Variants in PLB1 observed in about 807,000 individuals in gnomAD.
PLB1 encodes the protein phospholipase B1, membrane-associated.
A neutral mutation model predicts 227.4 loss-of-function variants in PLB1; 242 were observed. The observed-to-expected ratio is 1.06, with a 90% CI of 0.96 to 1.18. The LOEUF (loss-of-function observed/expected upper bound fraction) is 1.18, where lower values mean the gene tolerates loss of function less well. Among genes scored for constraint, PLB1 ranks in the 50% most tolerant of loss-of-function variants. The probability of loss-of-function intolerance (pLI) is 0.00; values close to 1 mark genes in which losing one functional copy is unlikely to be tolerated. For missense variants in PLB1, 1,858 were observed against 1,816.3 expected (o/e 1.02, Z -0.42); for synonymous variants, 757 against 682.2 (o/e 1.11, Z -1.71).
At chr2:28,641,559 G>A (rs769334542) in intron 57 of PLB1, among the ~76,000 whole-genome samples, 34 of 152,194 alleles carry the variant, frequency 2.2e-4, no homozygotes, top group Non-Finnish European at 4.0e-4. Flanking sequence ...AGTGAGCTGA[G>A]GTCATGCCAC....
Position 28,591,149 on chromosome 2 carries a change from G to C in PLB1, c.2105G>C (p.Arg702Thr), listed in dbSNP as rs761572202. Reference sequence around the variant, plus strand: ...TCCTCACAGGTCCAGCCGTTTCTGAGGACCTACAAGAACAGCATGCAGGTA... The same window carrying C: ...TCCTCACAGGTCCAGCCGTTTCTGACGACCTACAAGAACAGCATGCAGGTA... ...TCPNQVQPFL[R>T]TYKNSMQGHG... is the part of the protein sequence containing the mutation. The change falls in exon 30 of 58, where the codon AGG (arginine) becomes ACG (threonine). Residue 702 changes from arginine (R) to threonine (T), a missense_variant. Arg to Thr is a moderately conservative substitution (Grantham distance 71). Coordinates refer to ENST00000327757, the MANE Select transcript of PLB1 (RefSeq NM_153021.5). 1.2e-6 allele frequency: 2 copies of C among 1,614,084 alleles called. No homozygotes were observed. Among genetic ancestry groups the C allele is most frequent in the African/African-American group, 2.7e-5 (2 of 74,940 alleles).
rs1690159282 is a variant in PLB1 at position 28,643,165 on chromosome 2, C to T, written c.*104C>T. On this transcript the variant is annotated 3_prime_UTR_variant, in exon 58 of 58. Coordinates refer to ENST00000327757, the MANE Select transcript of PLB1 (RefSeq NM_153021.5). ...CAGGACATGCTTCAATGCCTGGTGC[C>T]ATAGGAAGCCCAGGGGACAGTCACA... is the stretch of plus-strand genomic sequence containing the variant. The T allele has an allele frequency of 8.5e-7, 1 of 1,182,178 alleles. No homozygotes were observed. The highest frequency in any genetic ancestry group is 1.8e-5 in the South Asian group (1 of 56,832). 73.2% of individuals were successfully genotyped at this position (1,182,178 alleles called of 1,614,324 possible).
In PLB1 at chr2:28,640,967, C is replaced by A; in HGVS notation, c.4139C>A (p.Thr1380Asn). The A allele has an allele frequency of 6.2e-7, 1 of 1,613,934 alleles. No homozygotes were observed. The highest frequency in any genetic ancestry group is 8.5e-7 in the Non-Finnish European group (1 of 1,179,902). ...VGRKTTSNNF[T>N]HSRAKLKCPS... is the part of the protein sequence containing the mutation. ...CGCAAGACTACCTCCAACAACTTCA[C>A]CCACAGCCGAGCCAAACTCAAGTGC... Residue 1380 changes from threonine (T) to asparagine (N), a missense_variant, in exon 57 of 58, where the codon ACC (threonine) becomes AAC (asparagine). Coordinates refer to ENST00000327757, the MANE Select transcript of PLB1 (RefSeq NM_153021.5).
intron 44 of PLB1, among the ~76,000 whole-genome samples, 179 bp from the exon 45 acceptor site, chr2:28,617,548 C>A (rs1345804816): frequency 6.6e-6 from 1 of 152,194 alleles, no homozygotes; most frequent in Non-Finnish European, 1.5e-5. Context: ...ACCCATTTCT[C>A]CCCCTTTAAT....
chr2:28,499,523 GT>G lies in PLB1; in HGVS notation c.55+3370del, dbSNP rs112085758. ...TGTGCCGGCTGGTGCCTGCACAACA[GT>G]TTTTTTTTTTTTTTTAAAGAGGTGA... On this transcript the variant is annotated intron_variant, in intron 1 of 57. Coordinates refer to ENST00000327757, the MANE Select transcript of PLB1 (RefSeq NM_153021.5). Among the ~76,000 whole-genome samples the G allele has an allele frequency of 6.8e-3, 926 of 136,648 alleles. 7 individuals are homozygous for G. The highest frequency in any genetic ancestry group is 0.019 in the African/African-American group (713 of 37,462). 89.6% of individuals were successfully genotyped at this position (136,648 alleles called of 152,430 possible). A position where few individuals can be genotyped will look rare whatever the true frequency, so the allele number is the denominator to read the frequency against.
chr2:28,556,168 T>G (rs1311735572), intron 17 of PLB1, among the ~76,000 whole-genome samples: 2 of 152,206 alleles, frequency 1.3e-5, no homozygotes, highest in African/African-American at 4.8e-5. Flanking sequence ...GGTCCAAAGT[T>G]ATTTTCAAAA....
chr2:28,532,011 A>T, intron 8 of PLB1, 97 bp from the exon 9 acceptor site: 1 of 912,544 alleles, frequency 1.1e-6, no homozygotes, highest in Admixed American at 2.2e-5. Flanking sequence ...TTTTTCAGGG[A>T]TGGGTGTATG....
At chr2:28,583,745 A>G (rs1459331006) in intron 25 of PLB1, among the ~76,000 whole-genome samples, 1 of 152,044 alleles carries the variant, frequency 6.6e-6, no homozygotes, top group Non-Finnish European at 1.5e-5. Context: ...ATAATGGCTC[A>G]TGTGGGGCTA....
intron 17 of PLB1, among the ~76,000 whole-genome samples, chr2:28,554,518 T>TTTTTTTTTTTTTA (rs1674744531): frequency 1.5e-5 from 2 of 131,814 alleles, no homozygotes; most frequent in African/African-American, 2.8e-5. Context: ...TTTTTTTTTT[T>TTTTTTTTTTTTTA]AAGAGATGGG....
intron 17 of PLB1, among the ~76,000 whole-genome samples, chr2:28,558,675 GCATGGTGCATGTGTT>G (rs1222418139): frequency 4.6e-5 from 7 of 150,928 alleles, no homozygotes; most frequent in Admixed American, 6.6e-5. Context: ...GTGCATATGT[GCATGGTGCATGTGTT>G]CATGGTGTGT....
chr2:28,640,651 C>A (rs1689863949), intron 56 of PLB1, among the ~76,000 whole-genome samples: 2 of 152,194 alleles, frequency 1.3e-5, no homozygotes. Flanking sequence ...GACTGGTGGT[C>A]TCTCCTGGGC....
intron 13 of PLB1, among the ~76,000 whole-genome samples, chr2:28,542,135 A>C (rs75662840): frequency 6.9e-6 from 1 of 144,368 alleles, no homozygotes; most frequent in African/African-American, 2.5e-5. Context: ...TCAGTCTCAA[A>C]AAAAAAAAAA....
In PLB1 at chr2:28,540,359, C is replaced by T; in HGVS notation, c.699-7C>T. ...CTCTCTCATTCCTGGTGTGTTTTAA[C>T]CTGCAGCCCTGCACCAGAGCCCTGT... On this transcript the variant is annotated splice_region_variant and splice_polypyrimidine_tract_variant and intron_variant, in intron 11 of 57. Transcript: ENST00000327757. 2.5e-6 allele frequency: 4 copies of T among 1,613,768 alleles called. No homozygotes were observed. Among genetic ancestry groups the T allele is most frequent in the South Asian group, 1.1e-5 (1 of 91,076 alleles).
intron 43 of PLB1, among the ~76,000 whole-genome samples, chr2:28,609,791 G>A (rs1685186797): frequency 6.6e-6 from 1 of 152,192 alleles, no homozygotes; most frequent in Non-Finnish European, 1.5e-5. Context: ...GGCATGAAAT[G>A]TCAGGGACCC....
At chr2:28,543,379 A>C in intron 14 of PLB1, 111 bp downstream of exon 14, 2 of 1,182,110 alleles carry the variant, frequency 1.7e-6, no homozygotes, top group Non-Finnish European at 2.4e-6. Context: ...ATCCCAGGAC[A>C]ATGGTTCTGG....
Position 28,587,139 on chromosome 2 carries a change from C to T in PLB1, c.1815+1297C>T, listed in dbSNP as rs187467673. Among the ~76,000 whole-genome samples the T allele has an allele frequency of 2.2e-3, 332 of 152,308 alleles. 1 individual carries two copies. Among genetic ancestry groups the T allele is most frequent in the African/African-American group, 7.6e-3 (316 of 41,562 alleles). ...AGAGGGGCGGCAGCTGAGGTTATGG[C>T]CATGAGAGCAACCCTGTTTCAATTG... is the stretch of plus-strand genomic sequence containing the variant. On this transcript the variant is annotated intron_variant, in intron 26 of 57. Coordinates refer to ENST00000327757, the MANE Select transcript of PLB1 (RefSeq NM_153021.5).
chr2:28,516,812 C>A lies in PLB1; in HGVS notation c.60C>A (p.Thr20=). The change falls in exon 2 of 58, where the codon ACC becomes ACA. Residue 20 remains threonine (T), a synonymous_variant. Transcript: ENST00000327757. ...ACTATTTCTGCTTTCTTTCAGGGAC[C>A]CCTCAGATCCATACCTCTCCTAGAA... The part of the protein sequence containing the change: ...LELLLLLGQG[T]PQIHTSPRKS... 1 of 1,613,016 alleles carries A rather than the reference C, an allele frequency of 6.2e-7. No individual in the cohort carries two copies. Among genetic ancestry groups the A allele is most frequent in the African/African-American group, 1.3e-5 (1 of 75,028 alleles).
chr2:28,611,545 C>T (rs1237818940), intron 43 of PLB1, among the ~76,000 whole-genome samples: 1 of 152,208 alleles, frequency 6.6e-6, no homozygotes, highest in Non-Finnish European at 1.5e-5. Context: ...TTCACTGCCT[C>T]AGCTTCTCAA....
chr2:28,636,846 G>A (rs1462940389), intron 56 of PLB1, among the ~76,000 whole-genome samples: 2 of 152,176 alleles, frequency 1.3e-5, no homozygotes, highest in African/African-American at 4.8e-5. Flanking sequence ...ACTCACTGGG[G>A]GATGAATAGT....
Sources: allele counts gnomAD v4.1 joint callset (sites outside exome capture counted in the v4.1 genomes callset), GRCh38; gene constraint gnomAD v4.1.1; transcripts MANE v1.5; gene names NCBI Gene and HGNC (gene_info 2026-07-23, HGNC 2026-07-21).